The following PDXK variants were observed in gnomAD, a reference collection of about 807,000 sequenced individuals.
The protein encoded by PDXK is epididymis secretory sperm binding protein Li 1a.
A neutral mutation model predicts 43.2 loss-of-function variants in PDXK; 15 were observed. The ratio of observed to expected loss-of-function variants is 0.35; its 90% confidence interval spans 0.23 to 0.53. The LOEUF is 0.53. Ranked by LOEUF, PDXK falls within the 20% of genes least tolerant of loss-of-function variation. The pLI is 0.92. For synonymous variants in PDXK, 172 were observed against 165.4 expected (o/e 1.04, Z -0.31); for missense variants, 343 against 417.0 (o/e 0.82, Z 1.54).
Position 43,737,238 on chromosome 21 carries a change from G to T in PDXK, c.142+3115G>T. On this transcript the variant is annotated intron_variant, in intron 2 of 10. Transcript: ENST00000291565. The surrounding 1 kb of genome is among the most constrained non-coding windows in gnomAD (Gnocchi z 4.8). ...CCTGACGCCCTTCAGGCTGGGGGGT[G>T]GGAAAGCCGATCCCCCAAGTGCCTG... 1 of 1,427,966 alleles carries T rather than the reference G, an allele frequency of 7.0e-7. No individual in the cohort carries two copies. Among genetic ancestry groups the T allele is most frequent in the Non-Finnish European group, 9.1e-7 (1 of 1,094,562 alleles). 88.5% of individuals were successfully genotyped at this position (1,427,966 alleles called of 1,614,324 possible).
chr21:43,750,139 C>A (rs1416596696), intron 6 of PDXK, among the ~76,000 whole-genome samples: 3 of 152,230 alleles, frequency 2.0e-5, no homozygotes, highest in Non-Finnish European at 4.4e-5. Context: ...CATGGGTGGC[C>A]CATGCGTGCA....
chr21:43,733,410 G>A (rs953999929), intron 1 of PDXK, among the ~76,000 whole-genome samples: 16 of 152,240 alleles, frequency 1.1e-4, no homozygotes, highest in South Asian at 1.0e-3. Context: ...GCTGGTGCAC[G>A]GGAGAGGGTG....
intron 5 of PDXK, among the ~76,000 whole-genome samples, chr21:43,746,626 C>T (rs574042215): frequency 6.6e-6 from 1 of 152,180 alleles, no homozygotes; most frequent in African/African-American, 2.4e-5. Flanking sequence ...ACTGTGTCGT[C>T]CAGGCTGGTC....
chr21:43,760,782 T>C lies in PDXK; in HGVS notation c.*4719T>C, dbSNP rs1391949593. The C allele has an allele frequency of 3.3e-5, 5 of 152,184 alleles. No individual in the cohort carries two copies. The highest frequency in any genetic ancestry group is 2.4e-5 in the African/African-American group (1 of 41,440). 9.4% of individuals were successfully genotyped at this position (152,184 alleles called of 1,614,324 possible). A position where few individuals can be genotyped will look rare whatever the true frequency, so the allele number is the denominator to read the frequency against. ...AGCAGGCATCGTGGCGTGACAGCTG[T>C]GTCCAAGCCACTGCCCGGGCATCCC... On this transcript the variant is annotated 3_prime_UTR_variant, in exon 11 of 11. Transcript: ENST00000291565.
chr21:43,739,775 C>A (rs2083462061), intron 2 of PDXK, among the ~76,000 whole-genome samples: 1 of 151,784 alleles, frequency 6.6e-6, no homozygotes. Context: ...GCCATGTCAC[C>A]TCCCCAGGAA....
In PDXK at chr21:43,719,173, A is replaced by C. The variant is rs1601773611; in HGVS notation, c.-122A>C. On this transcript the variant is annotated 5_prime_UTR_variant, in exon 1 of 11. Transcript: ENST00000291565. ...GCTGATCGGGTCCGCCGCGCGCCAG[A>C]GCCAGAGTCGCAGCCGAGGGGAGCC... The C allele has an allele frequency of 2.5e-6, 1 of 407,354 alleles. No individual in the cohort carries two copies. 25.2% of individuals were successfully genotyped at this position (407,354 alleles called of 1,614,324 possible).
In PDXK at chr21:43,753,716, C is replaced by T. The variant is rs138572525; in HGVS notation, c.756C>T (p.Leu252=). The change falls in exon 9 of 11, where the codon CTC becomes CTT. Residue 252 remains leucine (L), a synonymous_variant. Coordinates refer to ENST00000291565, the MANE Select transcript of PDXK (RefSeq NM_003681.5). ...GGACACACAAGCACCCCAATAACCT[C>T]AAGGTCAGCCACACGCACCGCTCCC... ...LAWTHKHPNN[L]KVACEKTVST... 3.7e-6 allele frequency: 6 copies of T among 1,610,716 alleles called. No individual in the cohort carries two copies. The highest frequency in any genetic ancestry group is 5.1e-6 in the Non-Finnish European group (6 of 1,178,008).
At chr21:43,736,793 G>C (rs7282274) in intron 2 of PDXK, among the ~76,000 whole-genome samples, 1 of 151,054 alleles carries the variant, frequency 6.6e-6, no homozygotes, top group African/African-American at 2.4e-5. Flanking sequence ...CCACCACACC[G>C]AGCTAATTTT....
Position 43,735,700 on chromosome 21 carries a change from C to G in PDXK, c.142+1577C>G, listed in dbSNP as rs1271451209. 6.6e-6 allele frequency among the ~76,000 whole-genome samples: 1 copy of G among 151,892 alleles called. No individual in the cohort carries two copies. The highest frequency in any genetic ancestry group is 1.5e-5 in the Non-Finnish European group (1 of 67,946). On this transcript the variant is annotated intron_variant, in intron 2 of 10. Coordinates refer to ENST00000291565, the MANE Select transcript of PDXK (RefSeq NM_003681.5). This position sits in a 1 kb window ranked among gnomAD's most constrained non-coding sequence, Gnocchi z 5.3. ...TTTAGGACCCCTTAGCCAGCTCAGT[C>G]TATGGCTGTGGGCTGGCTCCCAGCC...
rs1164313877 is a variant in PDXK at position 43,734,957 on chromosome 21, G to GGGA, written c.142+840_142+842dup. Among the ~76,000 whole-genome samples, 1 of 152,238 alleles carries GGGA rather than the reference G, an allele frequency of 6.6e-6. No homozygotes were observed. The highest frequency in any genetic ancestry group is 1.5e-5 in the Non-Finnish European group (1 of 68,050). ...AGCATCAGTGCGATATGTTGGAGCA[G>GGGA]GGAGGAGGGGCCTGGCCCCTACTCT... On this transcript the variant is annotated intron_variant, in intron 2 of 10. Coordinates refer to ENST00000291565, the MANE Select transcript of PDXK (RefSeq NM_003681.5). This position sits in a 1 kb window ranked among gnomAD's most constrained non-coding sequence, Gnocchi z 5.0.
rs539968991 is a variant in PDXK, at chr21:43,754,477, C to G, written c.759+758C>G. 6.6e-6 allele frequency among the ~76,000 whole-genome samples: 1 copy of G among 152,134 alleles called. No homozygotes were observed. The highest frequency in any genetic ancestry group is 6.5e-5 in the Admixed American group (1 of 15,282). On this transcript the variant is annotated intron_variant, in intron 9 of 10. Coordinates refer to ENST00000291565, the MANE Select transcript of PDXK (RefSeq NM_003681.5). The surrounding 1 kb of genome is among the most constrained non-coding windows in gnomAD (Gnocchi z 5.5). The stretch of plus-strand genomic sequence containing the variant: ...CATGCAGCAGAGTTGCTTGTGGCCT[C>G]GGCAGGTGGTTTTGTCAGCTGAGTC...
Position 43,753,590 on chromosome 21 carries a change from C to T in PDXK, c.630C>T (p.Pro210=), listed in dbSNP as rs963330330. Residue 210 remains proline (P), a synonymous_variant, in exon 9 of 11, where the codon CCC becomes CCT. Transcript: ENST00000291565. ...CCCATCTTCTCCCCCTAGGGAATCC[C>T]GCTGGCTCCGTGGTGATGGAACGCA... ...IVLGSQRRRN[P]AGSVVMERIR... is the part of the protein sequence containing the mutation. 1.9e-5 allele frequency: 30 copies of T among 1,611,468 alleles called. No homozygotes were observed. The highest frequency in any genetic ancestry group is 2.2e-5 in the East Asian group (1 of 44,768).
At chr21:43,730,167 C>G (rs1005702368) in intron 1 of PDXK, among the ~76,000 whole-genome samples, 3 of 152,060 alleles carry the variant, frequency 2.0e-5, no homozygotes, top group Non-Finnish European at 4.4e-5. Context: ...CAGAGTCTCT[C>G]TCTGTCACCC....
intron 2 of PDXK, chr21:43,736,807 A>G (rs1217592068): frequency 3.2e-6 from 2 of 622,594 alleles, no homozygotes; most frequent in East Asian, 2.8e-5. Flanking sequence ...TAATTTTGCT[A>G]TTTTTCATAG....
intron 3 of PDXK, 45 bp from the exon 4 acceptor site, chr21:43,743,679 T>G: frequency 3.8e-6 from 5 of 1,321,198 alleles, no homozygotes; most frequent in Non-Finnish European, 5.5e-6. Flanking sequence ...TTGATCGTGG[T>G]GAGTCTCCTG....
chr21:43,752,273 G>T lies in PDXK; in HGVS notation c.511-245G>T, dbSNP rs112877959. 7.0e-3 allele frequency among the ~76,000 whole-genome samples: 1,060 copies of T among 152,350 alleles called. 14 individuals carry two copies. The highest frequency in any genetic ancestry group is 0.024 in the African/African-American group (1,012 of 41,586). ...TCCACCCCCCAAGGGGGAGGCCCTC[G>T]CCAGTCACCTGTGGGGAGCCACACG... On this transcript the variant is annotated intron_variant, in intron 7 of 10. Coordinates refer to ENST00000291565, the MANE Select transcript of PDXK (RefSeq NM_003681.5).
chr21:43,728,879 G>A (rs1006036279), intron 1 of PDXK: 4 of 985,586 alleles, frequency 4.1e-6, no homozygotes, highest in Non-Finnish European at 4.8e-6. Context: ...AAGTTCCCAG[G>A]AGGAAGTTGC....
At chr21:43,748,890 AGG>A in intron 5 of PDXK, 103 bp from the exon 6 acceptor site, 1 of 704,112 alleles carries the variant, frequency 1.4e-6, no homozygotes. Context: ...CCTGGACTTC[AGG>A]GGGCTTTTGG....
At chr21:43,744,035 G>A (rs1338056485) in intron 4 of PDXK, among the ~76,000 whole-genome samples, 1 of 152,248 alleles carries the variant, frequency 6.6e-6, no homozygotes, top group African/African-American at 2.4e-5. Context: ...TGTGGCTGGT[G>A]TGAGACAGGA....
Sources: gnomAD v4.1 joint callset for allele counts (sites outside exome capture counted in the v4.1 genomes callset) on GRCh38, gnomAD v4.1.1 for gene constraint, Gnocchi (gnomAD v3.1) non-coding constraint, MANE v1.5 for transcripts, NCBI Gene and HGNC (gene_info 2026-07-23, HGNC 2026-07-21) for gene names.